Variants in TRAPPC9 observed in about 807,000 individuals in gnomAD.
The protein encoded by TRAPPC9 is trafficking protein particle complex subunit 9.
Under a neutral mutation model 124.0 loss-of-function variants are expected in TRAPPC9, and 83 were observed. That is an observed-to-expected ratio of 0.67 (90% CI 0.56 to 0.80). The LOEUF is 0.80. TRAPPC9 is among the 30% of genes least tolerant of loss of function. The pLI, the probability that TRAPPC9 is intolerant of heterozygous loss-of-function variation, is 0.00. For synonymous variants in TRAPPC9, 638 were observed against 617.5 expected (o/e 1.03, Z -0.49); for missense variants, 1,302 against 1,508.3 (o/e 0.86, Z 2.27).
At chr8:139,759,710 C>T (rs556732613) in intron 21 of TRAPPC9, among the ~76,000 whole-genome samples, 1 of 152,188 alleles carries the variant, frequency 6.6e-6, no homozygotes. Context: ...GGGCCGGGCT[C>T]CCCTGGGGGG....
At chr8:140,406,618 C>G (rs1236229751) in intron 5 of TRAPPC9, among the ~76,000 whole-genome samples, 1 of 152,146 alleles carries the variant, frequency 6.6e-6, no homozygotes, top group Admixed American at 6.5e-5. Flanking sequence ...TAAGCTGCCT[C>G]AAAAGGTTTT....
rs900770884 is a variant in TRAPPC9 at position 140,427,900 on chromosome 8, C to G, written c.860-1259G>C. On this transcript the variant is annotated intron_variant, in intron 4 of 22. Coordinates refer to ENST00000438773, the MANE Select transcript of TRAPPC9 (RefSeq NM_001160372.4). ...CATTGAATAACACCTTTCTGCCAAGCATGATGCTTAACAAATATCATGTAT... is the reference window on the plus strand; with the variant it reads ...CATTGAATAACACCTTTCTGCCAAGGATGATGCTTAACAAATATCATGTAT... Among the ~76,000 whole-genome samples, 7 of 152,174 alleles carry G rather than the reference C, an allele frequency of 4.6e-5. No individual in the cohort carries two copies. In the East Asian group the frequency reaches 9.6e-4, roughly 21 times the overall value.
rs983683193 is a variant in TRAPPC9, at chr8:139,996,291, T to C, written c.2700-7455A>G. Reference sequence around the variant, plus strand: ...AATATAAGATAAACAAAATTACCATTGACCACCCAGATCTCACTAATACTC... The same window carrying C: ...AATATAAGATAAACAAAATTACCATCGACCACCCAGATCTCACTAATACTC... On this transcript the variant is annotated intron_variant, in intron 18 of 22. Transcript: ENST00000438773. 4.6e-5 allele frequency among the ~76,000 whole-genome samples: 7 copies of C among 151,384 alleles called. No homozygotes were observed. In the East Asian group the frequency reaches 1.2e-3, roughly 25 times the overall value.
intron 16 of TRAPPC9, among the ~76,000 whole-genome samples, chr8:140,234,398 C>T (rs1012402728): frequency 6.6e-6 from 1 of 152,260 alleles, no homozygotes; most frequent in Non-Finnish European, 1.5e-5. Context: ...GTGGACAGTA[C>T]TGCACAGGCC....
intron 18 of TRAPPC9, among the ~76,000 whole-genome samples, chr8:139,991,461 G>A (rs980586538): frequency 2.6e-5 from 4 of 152,192 alleles, no homozygotes; most frequent in African/African-American, 9.7e-5. Context: ...CCAGACTGCA[G>A]CAGTGGTTTG....
At chr8:139,947,210 G>A (rs1397568017) in intron 19 of TRAPPC9, among the ~76,000 whole-genome samples, 1 of 152,152 alleles carries the variant, frequency 6.6e-6, no homozygotes, top group Admixed American at 6.5e-5. Context: ...TGAACTACAC[G>A]CGCATTTCTT....
intron 18 of TRAPPC9, among the ~76,000 whole-genome samples, chr8:140,015,299 T>A (rs1006409520): frequency 6.6e-6 from 1 of 152,226 alleles, no homozygotes. Flanking sequence ...CGGGCCTCGT[T>A]TGTGATGCAA....
At chr8:140,434,926 C>T (rs548238274) in intron 4 of TRAPPC9, among the ~76,000 whole-genome samples, 186 bp downstream of exon 4, 7 of 151,424 alleles carry the variant, frequency 4.6e-5, no homozygotes, top group Middle Eastern at 3.4e-3. Flanking sequence ...GCCGAGATTG[C>T]GCCACTGCAC....
In TRAPPC9 at chr8:140,417,507, T is replaced by C. The variant is rs888499643; in HGVS notation, c.886+9108A>G. Among the ~76,000 whole-genome samples, 117 of 152,140 alleles carry C rather than the reference T, an allele frequency of 7.7e-4. 2 individuals are homozygous for C. Among genetic ancestry groups the C allele is most frequent in the Admixed American group, 3.9e-4 (6 of 15,276 alleles). On this transcript the variant is annotated intron_variant, in intron 5 of 22. Coordinates refer to ENST00000438773, the MANE Select transcript of TRAPPC9 (RefSeq NM_001160372.4). ...AGAGAAATGCAAATCAAAACCACAA[T>C]GAGATACCATCTCACGCTAGTTAGA...
chr8:140,278,167 A>G (rs910495984), intron 14 of TRAPPC9, among the ~76,000 whole-genome samples: 1 of 151,768 alleles, frequency 6.6e-6, no homozygotes, highest in Non-Finnish European at 1.5e-5. Context: ...GCAGTGGCAC[A>G]ATCTCCACTC....
chr8:140,382,978 G>A (rs188833136), intron 7 of TRAPPC9, among the ~76,000 whole-genome samples: 15 of 152,290 alleles, frequency 9.8e-5, no homozygotes, highest in Non-Finnish European at 2.1e-4. Flanking sequence ...CCAGAGGAAC[G>A]ATCAGGCAGC....
chr8:139,949,987 C>T (rs528172893), intron 19 of TRAPPC9, among the ~76,000 whole-genome samples: 1 of 152,274 alleles, frequency 6.6e-6, no homozygotes, highest in African/African-American at 2.4e-5. Flanking sequence ...TAACTCTGCC[C>T]CACCTTCAAC....
intron 21 of TRAPPC9, among the ~76,000 whole-genome samples, chr8:139,814,772 A>C (rs1377083441): frequency 6.6e-6 from 1 of 152,226 alleles, no homozygotes; most frequent in Non-Finnish European, 1.5e-5. Flanking sequence ...GTGAGCTCCA[A>C]GGGTTGCTAT....
intron 17 of TRAPPC9, among the ~76,000 whole-genome samples, chr8:140,116,142 G>A (rs369474244): frequency 3.7e-4 from 57 of 152,240 alleles, no homozygotes; most frequent in African/African-American, 1.3e-3. Context: ...GAGAGGCAGG[G>A]GCAGGGTGTG....
intron 11 of TRAPPC9, among the ~76,000 whole-genome samples, chr8:140,298,654 A>ATT (rs563796959): frequency 3.1e-4 from 42 of 134,682 alleles, no homozygotes; most frequent in African/African-American, 9.9e-4. Context: ...CCTGTCTCAA[A>ATT]GAAAAAAAAA....
chr8:140,340,200 C>T (rs546071937), intron 9 of TRAPPC9, among the ~76,000 whole-genome samples: 3 of 152,196 alleles, frequency 2.0e-5, no homozygotes, highest in Non-Finnish European at 4.4e-5. Context: ...GAGTCAGAGT[C>T]AGACACAGTC....
intron 17 of TRAPPC9, among the ~76,000 whole-genome samples, chr8:140,215,686 A>C (rs2063175153): frequency 6.7e-6 from 1 of 150,006 alleles, no homozygotes. Flanking sequence ...TCATGCCCTG[A>C]CTCCACCACC....
In TRAPPC9 at chr8:140,250,808, G is replaced by A. The variant is rs367941907; in HGVS notation, c.2431+1969C>T. Among the ~76,000 whole-genome samples the A allele has an allele frequency of 9.2e-5, 14 of 152,200 alleles. No individual in the cohort carries two copies. The East Asian group carries it at 1.2e-3, about 13-fold the overall frequency. On this transcript the variant is annotated intron_variant, in intron 16 of 22. Coordinates refer to ENST00000438773, the MANE Select transcript of TRAPPC9 (RefSeq NM_001160372.4). The stretch of plus-strand genomic sequence containing the variant: ...GGGGCATCTCATGAGTAACCACTAC[G>A]TGCCATGACCAGCAATCAGGCCAGC...
intron 19 of TRAPPC9, among the ~76,000 whole-genome samples, chr8:139,986,433 A>G (rs1837242984): frequency 6.6e-6 from 1 of 152,140 alleles, no homozygotes; most frequent in Non-Finnish European, 1.5e-5. Context: ...GAGCTTAGCT[A>G]TTTTTACTTT....
Sources: gnomAD v4.1 joint callset for allele counts (sites outside exome capture counted in the v4.1 genomes callset) on GRCh38, gnomAD v4.1.1 for gene constraint, MANE v1.5 for transcripts, NCBI Gene and HGNC (gene_info 2026-07-23, HGNC 2026-07-21) for gene names.